The following SORCS3 variants were observed in gnomAD, a reference collection of about 807,000 sequenced individuals.
SORCS3 encodes VPS10 domain-containing receptor SorCS3.
SORCS3 carries 57 observed loss-of-function variants against 146.3 expected under a neutral mutation model. The ratio of observed to expected loss-of-function variants is 0.39; its 90% CI spans 0.31 to 0.49. The LOEUF (loss-of-function observed/expected upper bound fraction) is 0.49, where lower values mean the gene tolerates loss of function less well. SORCS3 is among the 20% of genes least tolerant of loss of function. The pLI, the probability that SORCS3 is intolerant of heterozygous loss-of-function variation, is 0.92. For synonymous variants in SORCS3, 653 were observed against 618.5 expected (o/e 1.06, Z -0.83); for missense variants, 1,341 against 1,575.5 (o/e 0.85, Z 2.52).
intron 5 of SORCS3, among the ~76,000 whole-genome samples, chr10:105,064,387 T>A (rs1229590797): frequency 6.6e-6 from 1 of 152,082 alleles, no homozygotes; most frequent in Non-Finnish European, 1.5e-5. Flanking sequence ...GATGGATGAT[T>A]GATAGATAGA....
At chr10:104,734,064 T>G (rs1314885729) in intron 1 of SORCS3, among the ~76,000 whole-genome samples, 1 of 152,220 alleles carries the variant, frequency 6.6e-6, no homozygotes, top group East Asian at 1.9e-4. Context: ...ATTACTATTT[T>G]AAGTTATTTG....
At chr10:104,729,334 T>C (rs2016680241) in intron 1 of SORCS3, among the ~76,000 whole-genome samples, 1 of 152,266 alleles carries the variant, frequency 6.6e-6, no homozygotes, top group South Asian at 2.1e-4. Flanking sequence ...GGATCAGTTA[T>C]TCATGGAATG....
intron 3 of SORCS3, among the ~76,000 whole-genome samples, chr10:104,920,136 C>T (rs921646604): frequency 6.6e-6 from 1 of 152,186 alleles, no homozygotes; most frequent in Non-Finnish European, 1.5e-5. Flanking sequence ...CATCAGTCAG[C>T]CAATGGCAGT....
chr10:105,250,370 A>G (rs535467982), intron 22 of SORCS3, among the ~76,000 whole-genome samples: 6 of 152,328 alleles, frequency 3.9e-5, no homozygotes, highest in East Asian at 1.9e-4. Context: ...ACGTTCATTA[A>G]AAAGATACTA....
intron 3 of SORCS3, among the ~76,000 whole-genome samples, chr10:104,917,070 T>G (rs2019037327): frequency 6.6e-6 from 1 of 152,200 alleles, no homozygotes; most frequent in South Asian, 2.1e-4. Flanking sequence ...GCAGAATTGT[T>G]GACTTATGGT....
At chr10:105,083,168 G>A (rs987330731) in intron 5 of SORCS3, among the ~76,000 whole-genome samples, 3 of 151,456 alleles carry the variant, frequency 2.0e-5, no homozygotes, top group Non-Finnish European at 4.4e-5. Flanking sequence ...CTCAAATAAA[G>A]GCATTATTGA....
chr10:104,983,313 T>C (rs2133655910), intron 4 of SORCS3, among the ~76,000 whole-genome samples: 2 of 152,304 alleles, frequency 1.3e-5, no homozygotes, highest in East Asian at 3.9e-4. Context: ...GCCCCAAGCA[T>C]GCTTTTTCTA....
intron 6 of SORCS3, among the ~76,000 whole-genome samples, chr10:105,094,304 G>T (rs1480071107): frequency 1.3e-5 from 2 of 152,136 alleles, no homozygotes; most frequent in Non-Finnish European, 2.9e-5. Context: ...CTATATATCT[G>T]TTCAAACTTA....
At chr10:104,891,101 G>A (rs1434380880) in intron 2 of SORCS3, among the ~76,000 whole-genome samples, 4 of 152,116 alleles carry the variant, frequency 2.6e-5, no homozygotes, top group Non-Finnish European at 4.4e-5. Context: ...ATTCTTACAC[G>A]TGTTTTGTTT....
At chr10:104,880,301 A>G (rs2018618062) in intron 2 of SORCS3, among the ~76,000 whole-genome samples, 1 of 152,194 alleles carries the variant, frequency 6.6e-6, no homozygotes, top group South Asian at 2.1e-4. Context: ...GAGAAAAACT[A>G]TTGGACAGCA....
intron 5 of SORCS3, among the ~76,000 whole-genome samples, chr10:105,044,796 C>G (rs1242336435): frequency 6.6e-6 from 1 of 151,760 alleles, no homozygotes; most frequent in African/African-American, 2.4e-5. Flanking sequence ...AACACCTGGA[C>G]TATCTCCAGC....
At chr10:104,974,559 T>C (rs2054882567) in intron 3 of SORCS3, among the ~76,000 whole-genome samples, 1 of 152,224 alleles carries the variant, frequency 6.6e-6, no homozygotes, top group South Asian at 2.1e-4. Context: ...TAGATCTTCC[T>C]CCATCCTTTT....
chr10:105,153,620 G>GGAGA (rs71022756), intron 9 of SORCS3, among the ~76,000 whole-genome samples: 8 of 139,222 alleles, frequency 5.7e-5, no homozygotes, highest in Non-Finnish European at 1.1e-4. Context: ...CAGAGAGAGA[G>GGAGA]GAGAGAGAGA....
At chr10:105,026,351 G>A (rs762211736) in intron 4 of SORCS3, among the ~76,000 whole-genome samples, 8 of 152,174 alleles carry the variant, frequency 5.3e-5, no homozygotes, top group East Asian at 1.9e-4. Context: ...AGAGTTGCCC[G>A]TGATCTTTAC....
At position 105,043,040 on chromosome 10, in the gene SORCS3, T is replaced by G; in HGVS notation, c.955-15T>G. ...GGTTCCTTGAGACTTACATTCTCAC[T>G]TCATTGTTTTGCAGCTCTACAGCTC... On this transcript the variant is annotated splice_polypyrimidine_tract_variant and intron_variant, in intron 4 of 26. Transcript: ENST00000369701. The G allele has an allele frequency of 6.2e-7, 1 of 1,612,900 alleles. No homozygotes were observed. Among genetic ancestry groups the G allele is most frequent in the African/African-American group, 1.3e-5 (1 of 74,992 alleles).
intron 1 of SORCS3, among the ~76,000 whole-genome samples, chr10:104,752,391 C>A (rs1158443998): frequency 1.3e-5 from 2 of 152,082 alleles, no homozygotes; most frequent in African/African-American, 2.4e-5. Flanking sequence ...GAGCATGGGA[C>A]ACTGCTTGGA....
intron 4 of SORCS3, among the ~76,000 whole-genome samples, chr10:105,026,031 G>A (rs2055227470): frequency 2.0e-5 from 3 of 152,070 alleles, no homozygotes; most frequent in Non-Finnish European, 4.4e-5. Flanking sequence ...CTTCAGTACA[G>A]CAGCAAATTG....
rs551720288 is a variant in SORCS3 at position 105,062,955 on chromosome 10, G to T, written c.1028+19827G>T. On this transcript the variant is annotated intron_variant, in intron 5 of 26. Transcript: ENST00000369701. ...GAGGCTTGTCACCTCACGTATGGTT[G>T]CTGAACTAGGAAGTGGGTGGAACGA... Among the ~76,000 whole-genome samples the T allele has an allele frequency of 3.7e-4, 57 of 152,270 alleles. 1 individual carries two copies. In the South Asian group the frequency reaches 0.011, roughly 29 times the overall value.
At chr10:105,164,420 G>A (rs1564772238) in intron 12 of SORCS3, 41 bp downstream of exon 12, 4 of 1,353,216 alleles carry the variant, frequency 3.0e-6, no homozygotes, top group South Asian at 1.2e-5. Flanking sequence ...GGCATTTAGA[G>A]TAAGTTCTAC....
Sources: allele counts gnomAD v4.1 joint callset (sites outside exome capture counted in the v4.1 genomes callset), GRCh38; gene constraint gnomAD v4.1.1; transcripts MANE v1.5; gene names NCBI Gene and HGNC (gene_info 2026-07-23, HGNC 2026-07-21).